Variants in DYNC1I1 observed in about 807,000 individuals in gnomAD.
DYNC1I1 encodes the protein dynein cytoplasmic 1 intermediate chain 1.
DYNC1I1 carries 43 observed loss-of-function variants against 86.6 expected under a neutral mutation model. The ratio of observed to expected loss-of-function variants is 0.50; its 90% CI spans 0.39 to 0.64. The LOEUF is 0.64. DYNC1I1 is among the 30% of genes least tolerant of loss of function. DYNC1I1 has a pLI of 0.00. For missense variants in DYNC1I1, 604 were observed against 788.8 expected (o/e 0.77, Z 2.81); for synonymous variants, 262 against 283.7 (o/e 0.92, Z 0.77).
At chr7:95,907,371 G>A (rs575329701) in intron 6 of DYNC1I1, among the ~76,000 whole-genome samples, 13 of 152,212 alleles carry the variant, frequency 8.5e-5, no homozygotes, top group Non-Finnish European at 1.8e-4. Flanking sequence ...TATTTTGGGG[G>A]AAACTTTAGG....
intron 9 of DYNC1I1, among the ~76,000 whole-genome samples, chr7:95,994,717 A>G (rs1241183781): frequency 6.6e-6 from 1 of 152,194 alleles, no homozygotes; most frequent in Non-Finnish European, 1.5e-5. Context: ...ATGAGCCATT[A>G]AAGTATTTTA....
At chr7:95,911,722 G>T (rs866990184) in intron 6 of DYNC1I1, among the ~76,000 whole-genome samples, 1 of 152,214 alleles carries the variant, frequency 6.6e-6, no homozygotes, top group Admixed American at 6.5e-5. Context: ...GGTTCAGCAG[G>T]TCTGAAGTCA....
intron 13 of DYNC1I1, among the ~76,000 whole-genome samples, chr7:96,036,530 C>G (rs1447397843): frequency 6.6e-6 from 1 of 152,102 alleles, no homozygotes; most frequent in East Asian, 1.9e-4. Flanking sequence ...TAGCATTAAT[C>G]GTATTTTAGT....
chr7:95,926,379 TAAA>T (rs140731249), intron 6 of DYNC1I1, among the ~76,000 whole-genome samples: 1 of 152,038 alleles, frequency 6.6e-6, no homozygotes, highest in African/African-American at 2.4e-5. Context: ...TATTTTAAGT[TAAA>T]AAAAGTTACA....
At chr7:96,086,865 T>C (rs1226848603) in intron 16 of DYNC1I1, among the ~76,000 whole-genome samples, 2 of 152,180 alleles carry the variant, frequency 1.3e-5, no homozygotes, top group Non-Finnish European at 2.9e-5. Context: ...CTACACAATA[T>C]ATTTTAGAAT....
At chr7:95,854,151 A>T (rs1229911420) in intron 5 of DYNC1I1, among the ~76,000 whole-genome samples, 2 of 152,212 alleles carry the variant, frequency 1.3e-5, no homozygotes, top group African/African-American at 4.8e-5. Flanking sequence ...AATAATTGAT[A>T]GATACAAATA....
intron 14 of DYNC1I1, among the ~76,000 whole-genome samples, chr7:96,043,363 C>A (rs906284917): frequency 6.6e-6 from 1 of 151,982 alleles, no homozygotes; most frequent in Non-Finnish European, 1.5e-5. Flanking sequence ...TGAATCTTAT[C>A]AATCCTCCAG....
chr7:96,062,170 A>C (rs1789801302), intron 14 of DYNC1I1, among the ~76,000 whole-genome samples: 1 of 152,214 alleles, frequency 6.6e-6, no homozygotes, highest in African/African-American at 2.4e-5. Flanking sequence ...GGTATTTTCT[A>C]GGTAATTTTA....
intron 16 of DYNC1I1, among the ~76,000 whole-genome samples, 175 bp from the exon 17 acceptor site, chr7:96,097,308 A>G (rs1332944360): frequency 1.3e-5 from 2 of 152,108 alleles, no homozygotes; most frequent in Non-Finnish European, 2.9e-5. Context: ...TGTTAGTTTA[A>G]GAGCAACACC....
intron 14 of DYNC1I1, among the ~76,000 whole-genome samples, chr7:96,065,619 C>A (rs758029066): frequency 6.6e-6 from 1 of 152,104 alleles, no homozygotes; most frequent in Non-Finnish European, 1.5e-5. Context: ...AACTCCTTGG[C>A]TCAAGCAATT....
chr7:95,929,648 G>A (rs1044282181), intron 6 of DYNC1I1, among the ~76,000 whole-genome samples: 1 of 152,158 alleles, frequency 6.6e-6, no homozygotes, highest in African/African-American at 2.4e-5. Flanking sequence ...TCAAGATTCA[G>A]AATATAAGGA....
intron 5 of DYNC1I1, among the ~76,000 whole-genome samples, chr7:95,834,784 G>T (rs1362422436): frequency 7.8e-6 from 1 of 128,078 alleles, no homozygotes; most frequent in African/African-American, 3.0e-5. Flanking sequence ...ATTCTCTGAT[G>T]GTAGTTTGTA....
chr7:95,988,552 A>C (rs972252609), intron 9 of DYNC1I1, among the ~76,000 whole-genome samples: 18 of 152,208 alleles, frequency 1.2e-4, no homozygotes, highest in African/African-American at 4.3e-4. Flanking sequence ...AGTAACATGC[A>C]AAGGCACACA....
intron 6 of DYNC1I1, among the ~76,000 whole-genome samples, chr7:95,937,780 T>C (rs948284452): frequency 1.3e-5 from 2 of 151,946 alleles, no homozygotes; most frequent in Non-Finnish European, 2.9e-5. Context: ...CCTATTACAA[T>C]GACAATCCAT....
At chr7:96,092,445 A>T (rs914393001) in intron 16 of DYNC1I1, among the ~76,000 whole-genome samples, 2 of 152,212 alleles carry the variant, frequency 1.3e-5, no homozygotes, top group African/African-American at 4.8e-5. Flanking sequence ...AAAACCATGC[A>T]TTCCCTAAAG....
Position 95,984,802 on chromosome 7 carries a change from T to A in DYNC1I1, c.581-13T>A. ...CCTAACAATCTCTTTTACAAAAAAA[T>A]AAATAAATAAAGCCCCTCCAAGAGA... On this transcript the variant is annotated splice_polypyrimidine_tract_variant and intron_variant, in intron 7 of 16. Transcript: ENST00000447467. The A allele has an allele frequency of 1.3e-6, 2 of 1,557,540 alleles. No homozygotes were observed. Among genetic ancestry groups the A allele is most frequent in the Non-Finnish European group, 1.7e-6 (2 of 1,159,602 alleles).
chr7:96,083,099 G>T (rs1020569880), intron 16 of DYNC1I1, among the ~76,000 whole-genome samples: 1 of 152,008 alleles, frequency 6.6e-6, no homozygotes, highest in African/African-American at 2.4e-5. Context: ...CCAAGAAAAA[G>T]AAAGGATATA....
At chr7:96,103,963 GTCT>G (rs565724205) in intron 16 of DYNC1I1, among the ~76,000 whole-genome samples, 6 of 152,060 alleles carry the variant, frequency 3.9e-5, no homozygotes, top group Non-Finnish European at 7.4e-5. Flanking sequence ...GGTATTGTAG[GTCT>G]TCTTATTTTA....
At chr7:95,968,903 C>T (rs182840761) in intron 6 of DYNC1I1, among the ~76,000 whole-genome samples, 26 of 150,116 alleles carry the variant, frequency 1.7e-4, no homozygotes, top group African/African-American at 6.1e-4. Flanking sequence ...GACAGCTACA[C>T]ATATAGGGCT....
Sources: allele counts gnomAD v4.1 joint callset (sites outside exome capture counted in the v4.1 genomes callset), GRCh38; gene constraint gnomAD v4.1.1; transcripts MANE v1.5; gene names NCBI Gene and HGNC (gene_info 2026-07-23, HGNC 2026-07-21).